Variants in DNAH14 observed in about 807,000 individuals in gnomAD.
DNAH14 encodes the protein axonemal beta dynein heavy chain 14.
Under a neutral mutation model 520.9 loss-of-function variants are expected in DNAH14, and 478 were observed. The ratio of observed to expected loss-of-function variants is 0.92; its 90% CI spans 0.85 to 0.99. The LOEUF (loss-of-function observed/expected upper bound fraction) is 0.99, where lower values mean the gene tolerates loss of function less well. Among genes scored for constraint, DNAH14 ranks in the 50% least tolerant of loss-of-function variants. The pLI is 0.00. For missense variants in DNAH14, 4,831 were observed against 5,234.5 expected, an observed-to-expected ratio of 0.92 and a Z score of 2.38; for synonymous variants, 1,581 against 1,757.2, an observed-to-expected ratio of 0.90 and a Z score of 2.51.
At chr1:225,178,583 AC>A (rs981826196) in intron 36 of DNAH14, among the ~76,000 whole-genome samples, 5 of 152,132 alleles carry the variant, frequency 3.3e-5, no homozygotes, top group African/African-American at 9.6e-5. Flanking sequence ...CGATGCCTGT[AC>A]CCCCATTTAT....
At chr1:225,079,848 T>C (rs1376863706) in intron 18 of DNAH14, among the ~76,000 whole-genome samples, 1 of 151,872 alleles carries the variant, frequency 6.6e-6, no homozygotes, top group African/African-American at 2.4e-5. Flanking sequence ...TAATTTTTTG[T>C]ATTTTTAGTA....
chr1:225,217,068 A>T (rs996892310), intron 41 of DNAH14, among the ~76,000 whole-genome samples: 4 of 152,110 alleles, frequency 2.6e-5, no homozygotes, highest in Non-Finnish European at 4.4e-5. Context: ...ATGGTGATGT[A>T]CAGATGGGGT....
chr1:225,151,914 C>G (rs1290414308), intron 31 of DNAH14, 91 bp from the exon 32 acceptor site: 1 of 1,045,890 alleles, frequency 9.6e-7, no homozygotes, highest in South Asian at 1.4e-5. Flanking sequence ...TGTAACACAG[C>G]CTTAATAAAG....
At chr1:225,081,369 T>C (rs1303985624) in intron 19 of DNAH14, among the ~76,000 whole-genome samples, 1 of 152,126 alleles carries the variant, frequency 6.6e-6, no homozygotes, top group Non-Finnish European at 1.5e-5. Context: ...TAAAATTATT[T>C]AAGAAATATA....
rs79238940 is a variant in DNAH14, at chr1:225,084,335, T to C, written c.3328-1209T>C. Among the ~76,000 whole-genome samples the C allele has an allele frequency of 1.2e-3, 177 of 152,232 alleles. 1 individual carries two copies. Among genetic ancestry groups the C allele is most frequent in the Non-Finnish European group, 1.4e-3 (95 of 67,988 alleles). ...AAATTTGACAATGTATCCAATATAA[T>C]GTAGATGCCAAAATGGACAGGATTT... is the stretch of plus-strand genomic sequence containing the variant. On this transcript the variant is annotated intron_variant, in intron 20 of 85. Transcript: ENST00000682510.
rs529245217 is a variant in DNAH14, at chr1:225,095,875, C to T, written c.3574-1243C>T. ...AGTAATTCCAACAGGACACAAAGAACACTTTCAGGGTAATGGATATGTTTG... is the reference window on the plus strand; with the variant it reads ...AGTAATTCCAACAGGACACAAAGAATACTTTCAGGGTAATGGATATGTTTG... On this transcript the variant is annotated intron_variant, in intron 21 of 85. Coordinates refer to ENST00000682510, the MANE Select transcript of DNAH14 (RefSeq NM_001367479.1). 3.9e-5 allele frequency among the ~76,000 whole-genome samples: 6 copies of T among 152,258 alleles called. No homozygotes were observed. The South Asian group carries it at 1.2e-3, about 32-fold the overall frequency.
chr1:225,334,884 A>ATGTGTGTGTGTGTGTGTG (rs1218533136), intron 66 of DNAH14, among the ~76,000 whole-genome samples: 1 of 143,156 alleles, frequency 7.0e-6, no homozygotes, highest in Non-Finnish European at 1.5e-5. Flanking sequence ...CTACATATAT[A>ATGTGTGTGTGTGTGTGTG]TGTGTGTGTG....
chr1:225,043,060 C>T lies in DNAH14; in HGVS notation c.1714C>T (p.Pro572Ser). The T allele has an allele frequency of 6.4e-7, 1 of 1,550,938 alleles. No individual in the cohort carries two copies. Among genetic ancestry groups the T allele is most frequent in the Non-Finnish European group, 8.7e-7 (1 of 1,146,846 alleles). ...AAAACACTCAAGTGAAGAATTGCTCCCAAAAGCCAAGAAATCAAAAGAAAT... is the reference window on the plus strand; with the variant it reads ...AAAACACTCAAGTGAAGAATTGCTCTCAAAAGCCAAGAAATCAAAAGAAAT... Reference protein sequence around the residue: ...VKKHSSEELLPKAKKSKEISY... With the variant: ...VKKHSSEELLSKAKKSKEISY... Residue 572 changes from proline (P) to serine (S), a missense_variant, in exon 13 of 86, where the codon CCA (proline) becomes TCA (serine). By Grantham distance (74) the Pro-to-Ser change is moderately conservative. Coordinates refer to ENST00000682510, the MANE Select transcript of DNAH14 (RefSeq NM_001367479.1).
chr1:225,215,875 C>T (rs11484714), intron 41 of DNAH14, among the ~76,000 whole-genome samples: 2,568 of 152,080 alleles, frequency 0.017, 65 homozygotes, highest in East Asian at 0.053. Flanking sequence ...TCTTTTAATT[C>T]AAGCATTTAG....
At chr1:225,334,620 GTTTA>G (rs202097117) in intron 66 of DNAH14, among the ~76,000 whole-genome samples, 6,274 of 152,148 alleles carry the variant, frequency 0.041, 180 homozygotes, top group Middle Eastern at 0.075. Flanking sequence ...TCTCAGAAAA[GTTTA>G]TTTTTCAATA....
chr1:225,097,583 G>C (rs1292386767), intron 22 of DNAH14, among the ~76,000 whole-genome samples: 1 of 152,064 alleles, frequency 6.6e-6, no homozygotes, highest in Non-Finnish European at 1.5e-5. Context: ...AGACCAGCCT[G>C]GCCAACATGG....
intron 36 of DNAH14, among the ~76,000 whole-genome samples, chr1:225,169,197 A>G (rs1487181694): frequency 6.6e-6 from 1 of 152,234 alleles, no homozygotes; most frequent in Admixed American, 6.5e-5. Context: ...AGACGGGGAA[A>G]AAACAGAGAA....
intron 84 of DNAH14, among the ~76,000 whole-genome samples, chr1:225,394,849 A>G (rs1052608960): frequency 1.1e-4 from 16 of 151,972 alleles, no homozygotes; most frequent in African/African-American, 3.9e-4. Context: ...GTCTAAAAAA[A>G]AAAAAAAAAA....
intron 41 of DNAH14, among the ~76,000 whole-genome samples, chr1:225,227,506 T>C (rs1350397262): frequency 6.6e-6 from 1 of 152,206 alleles, no homozygotes; most frequent in Non-Finnish European, 1.5e-5. Flanking sequence ...AAATTTTTCT[T>C]AGTACAGATC....
chr1:225,345,191 A>G (rs1048417573), intron 69 of DNAH14, among the ~76,000 whole-genome samples: 5 of 152,184 alleles, frequency 3.3e-5, no homozygotes, highest in Non-Finnish European at 7.3e-5. Context: ...GGTATATACT[A>G]ATTTCATTAT....
rs943031973 is a variant in DNAH14 at position 225,322,809 on chromosome 1, A to G, written c.9481A>G (p.Ser3161Gly). The G allele has an allele frequency of 5.8e-6, 9 of 1,549,906 alleles. No homozygotes were observed. Among genetic ancestry groups the G allele is most frequent in the Non-Finnish European group, 7.0e-6 (8 of 1,145,408 alleles). The change falls in exon 62 of 86, where the codon AGC (serine) becomes GGC (glycine). Residue 3161 changes from serine to glycine, a missense_variant. By Grantham distance (56) the Ser-to-Gly change is moderately conservative. Transcript: ENST00000682510. ...AAAATTGATTAACCTTGACAAGGAC[A>G]GCATACCTGATAAGGTAAAAAGTTG... ...LKKLINLDKD[S>G]IPDKVFVKLK...
intron 43 of DNAH14, among the ~76,000 whole-genome samples, chr1:225,241,447 C>G (rs1487002990): frequency 1.3e-5 from 2 of 152,062 alleles, no homozygotes; most frequent in African/African-American, 4.8e-5. Context: ...AATACAAATC[C>G]TACTGATTTG....
intron 27 of DNAH14, among the ~76,000 whole-genome samples, chr1:225,130,892 A>G (rs1432629206): frequency 6.6e-6 from 1 of 152,168 alleles, no homozygotes; most frequent in Non-Finnish European, 1.5e-5. Context: ...AATGAAGCAC[A>G]ATACAACAAG....
intron 41 of DNAH14, 57 bp from the exon 42 acceptor site, chr1:225,231,016 A>G: frequency 8.1e-7 from 1 of 1,241,350 alleles, no homozygotes. Context: ...TCATTAGTTT[A>G]CCAGATAAAT....
Sources: allele counts gnomAD v4.1 joint callset (sites outside exome capture counted in the v4.1 genomes callset), GRCh38; gene constraint gnomAD v4.1.1; transcripts MANE v1.5; gene names NCBI Gene and HGNC (gene_info 2026-07-23, HGNC 2026-07-21).